The following CHRM2 variants were observed in gnomAD, a reference collection of about 807,000 sequenced individuals.
The protein encoded by CHRM2 is muscarinic acetylcholine receptor M2.
In CHRM2, 8 loss-of-function variants were observed where a neutral mutation model predicts 25.0. The observed-to-expected ratio is 0.32, with a 90% CI of 0.19 to 0.58. The LOEUF is 0.58. CHRM2 is among the 20% of genes least tolerant of loss of function. CHRM2 has a pLI of 0.88. For missense variants in CHRM2, 440 were observed against 567.1 expected (o/e 0.78, Z 2.28); for synonymous variants, 202 against 205.7 (o/e 0.98, Z 0.15).
intron 2 of CHRM2, chr7:136,870,527 G>A (rs1244641200): frequency 6.6e-6 from 1 of 152,558 alleles, no homozygotes; most frequent in East Asian, 1.9e-4. Context: ...CTATCTTCCT[G>A]CCCATTGCCG....
chr7:136,996,643 G>C (rs1563115338), intron 3 of CHRM2, among the ~76,000 whole-genome samples: 1 of 152,042 alleles, frequency 6.6e-6, no homozygotes, highest in Non-Finnish European at 1.5e-5. Context: ...TTATATGCTA[G>C]AGTAAAAAAT....
At position 136,978,657 on chromosome 7, in the gene CHRM2, G is replaced by C. The variant is rs561927971; in HGVS notation, c.-124-13530G>C. Among the ~76,000 whole-genome samples, 5 of 152,194 alleles carry C rather than the reference G, an allele frequency of 3.3e-5. No homozygotes were observed. In the South Asian group the frequency reaches 6.2e-4, roughly 19 times the overall value. On this transcript the variant is annotated intron_variant, in intron 2 of 3. Transcript: ENST00000680005. ...GATGGTCCCCTCCCTGTGTCCATGT[G>C]TTCTCATTGTTCAACTCCCACTTAT...
At chr7:136,950,344 A>G (rs1378645) in intron 2 of CHRM2, among the ~76,000 whole-genome samples, 99,228 of 151,944 alleles carry the variant, frequency 0.65, 32,962 homozygotes, top group African/African-American at 0.73. Flanking sequence ...CATAATGGGG[A>G]TGGATCCCCC....
rs180776718 is a variant in CHRM2, at chr7:136,933,023, C to A, written c.-124-59164C>A. Among the ~76,000 whole-genome samples, 654 of 150,280 alleles carry A rather than the reference C, an allele frequency of 4.4e-3. 5 individuals are homozygous for A. Among genetic ancestry groups the A allele is most frequent in the African/African-American group, 0.016 (627 of 39,866 alleles). On this transcript the variant is annotated intron_variant, in intron 2 of 3. Transcript: ENST00000680005. ...TCAGTCTGGGTGACAGAGCAAGACT[C>A]TGTTTCAAAAATAAATAAATAAATA...
Position 137,015,940 on chromosome 7 carries a change from A to C in CHRM2, c.1075A>C (p.Asn359His). Residue 359 changes from asparagine to histidine, a missense_variant, in exon 4 of 4, where the codon AAT (asparagine) becomes CAT (histidine). Physicochemically the swap from Asn to His is moderately conservative, Grantham distance 68. Coordinates refer to ENST00000680005, the MANE Select transcript of CHRM2 (RefSeq NM_001006630.2). The surrounding 1 kb of genome is among the most constrained non-coding windows in gnomAD (Gnocchi z 5.1). ...AGGTCAGAATGGAGATGAAAAGCAGAATATTGTAGCCCGCAAGATTGTGAA... is the reference window on the plus strand; with the variant it reads ...AGGTCAGAATGGAGATGAAAAGCAGCATATTGTAGCCCGCAAGATTGTGAA... ...SSGQNGDEKQ[N>H]IVARKIVKMT... 6.2e-7 allele frequency: 1 copy of C among 1,613,178 alleles called. No individual in the cohort carries two copies. The highest frequency in any genetic ancestry group is 1.3e-5 in the African/African-American group (1 of 74,964).
rs1805262086 is a variant in CHRM2, at chr7:137,017,861, T to C, written c.*1595T>C. ...TATAGAATCTTGCCACGTAGAGATT[T>C]TTTATTTGGTCGTCTAAATAAATAT... is the stretch of plus-strand genomic sequence containing the variant. On this transcript the variant is annotated 3_prime_UTR_variant, in exon 4 of 4. Coordinates refer to ENST00000680005, the MANE Select transcript of CHRM2 (RefSeq NM_001006630.2). The C allele has an allele frequency of 6.6e-6, 1 of 151,956 alleles. No homozygotes were observed. The highest frequency in any genetic ancestry group is 1.5e-5 in the Non-Finnish European group (1 of 67,920). 9.4% of individuals were successfully genotyped at this position (151,956 alleles called of 1,614,324 possible). A position where few individuals can be genotyped will look rare whatever the true frequency, so the allele number is the denominator to read the frequency against.
intron 2 of CHRM2, among the ~76,000 whole-genome samples, chr7:136,905,980 T>C (rs1797515599): frequency 6.6e-6 from 1 of 151,426 alleles, no homozygotes; most frequent in Non-Finnish European, 1.5e-5. Context: ...CATTTGTTTA[T>C]TTCACACTCA....
At chr7:136,994,578 T>G (rs910439038) in intron 3 of CHRM2, among the ~76,000 whole-genome samples, 5 of 144,156 alleles carry the variant, frequency 3.5e-5, no homozygotes, top group African/African-American at 1.3e-4. Context: ...TTGCCTAGGC[T>G]GAAGTGCAAT....
In CHRM2 at chr7:136,938,915, C is replaced by CAAAAAAAAA. The variant is rs56868385; in HGVS notation, c.-124-53232_-124-53224dup. Reference sequence around the variant, plus strand: ...AAAATAAAACTTCAGCTAGCTCTGCCAAAAAAAAAAAAAAAAAAAAAAAAA... The same window carrying CAAAAAAAAA: ...AAAATAAAACTTCAGCTAGCTCTGCCAAAAAAAAAAAAAAAAAAAAAAAAAAAAAAAAAA... On this transcript the variant is annotated intron_variant, in intron 2 of 3. Transcript: ENST00000680005. Among the ~76,000 whole-genome samples the CAAAAAAAAA allele has an allele frequency of 4.5e-4, 30 of 66,952 alleles. 5 individuals are homozygous for CAAAAAAAAA. The highest frequency in any genetic ancestry group is 2.6e-3 in the East Asian group (2 of 778). 43.9% of individuals were successfully genotyped at this position (66,952 alleles called of 152,430 possible).
intron 2 of CHRM2, among the ~76,000 whole-genome samples, chr7:136,952,139 C>T (rs903894209): frequency 2.0e-5 from 3 of 152,110 alleles, no homozygotes; most frequent in African/African-American, 4.8e-5. Context: ...CTTGTGCATA[C>T]GTGGAGAGAG....
At chr7:136,871,727 A>T (rs992189542) in intron 2 of CHRM2, 1 of 152,228 alleles carries the variant, frequency 6.6e-6, no homozygotes, top group Non-Finnish European at 1.5e-5. Flanking sequence ...GAGTAAGAAC[A>T]ATTGACTTGG....
chr7:136,964,568 A>C (rs1801296907), intron 2 of CHRM2, among the ~76,000 whole-genome samples: 1 of 152,166 alleles, frequency 6.6e-6, no homozygotes, highest in Non-Finnish European at 1.5e-5. Flanking sequence ...TTCTTTGTCT[A>C]GTCTCCCAAA....
chr7:136,894,219 CA>C (rs1229253173), intron 2 of CHRM2, among the ~76,000 whole-genome samples: 1 of 152,054 alleles, frequency 6.6e-6, no homozygotes, highest in Non-Finnish European at 1.5e-5. Context: ...ACTCTATGCA[CA>C]AATGAGAAAT....
At chr7:136,897,123 G>A (rs1231023124) in intron 2 of CHRM2, among the ~76,000 whole-genome samples, 2 of 148,486 alleles carry the variant, frequency 1.3e-5, no homozygotes, top group East Asian at 3.9e-4. Flanking sequence ...GGTGGTAGTA[G>A]GTTGGCCAAA....
At position 137,015,682 on chromosome 7, in the gene CHRM2, A is replaced by G. The variant is rs1805129793; in HGVS notation, c.817A>G (p.Asn273Asp). 1 of 1,613,076 alleles carries G rather than the reference A, an allele frequency of 6.2e-7. No homozygotes were observed. The highest frequency in any genetic ancestry group is 1.7e-5 in the Admixed American group (1 of 59,858). ...AGCCCCCAGGGATCCTGTGACTGAA[A>G]ACTGTGTTCAGGGAGAGGAGAAGGA... ...GKAPRDPVTENCVQGEEKESS... is the reference protein window; with the variant it reads ...GKAPRDPVTEDCVQGEEKESS... The change falls in exon 4 of 4, where the codon AAC becomes GAC. Residue 273 changes from asparagine to aspartate, a missense_variant. Physicochemically the swap from Asn to Asp is conservative, Grantham distance 23 (BLOSUM62 1). Transcript: ENST00000680005. The surrounding 1 kb of genome is among the most constrained non-coding windows in gnomAD (Gnocchi z 5.1).
intron 2 of CHRM2, among the ~76,000 whole-genome samples, chr7:136,957,592 C>A (rs1800800734): frequency 6.6e-6 from 1 of 152,170 alleles, no homozygotes; most frequent in South Asian, 2.1e-4. Context: ...GGATCTCTGA[C>A]AAACAGAGTA....
intron 2 of CHRM2, among the ~76,000 whole-genome samples, chr7:136,920,458 T>C (rs1798366005): frequency 1.3e-5 from 2 of 152,120 alleles, no homozygotes; most frequent in Non-Finnish European, 2.9e-5. Flanking sequence ...GCTCATCAGC[T>C]CTGCATTGTG....
chr7:136,984,621 T>A (rs1276784236), intron 2 of CHRM2, among the ~76,000 whole-genome samples: 1 of 152,036 alleles, frequency 6.6e-6, no homozygotes, highest in African/African-American at 2.4e-5. Flanking sequence ...GTGAAGACCA[T>A]AGAAAAATGT....
At chr7:136,882,310 G>A (rs537472277) in intron 2 of CHRM2, among the ~76,000 whole-genome samples, 5 of 151,608 alleles carry the variant, frequency 3.3e-5, no homozygotes, top group East Asian at 3.9e-4. Flanking sequence ...GATATTCTCC[G>A]GTTTCATTAA....
Sources: gnomAD v4.1 joint callset for allele counts (sites outside exome capture counted in the v4.1 genomes callset) on GRCh38, gnomAD v4.1.1 for gene constraint, Gnocchi (gnomAD v3.1) non-coding constraint, MANE v1.5 for transcripts, NCBI Gene and HGNC (gene_info 2026-07-23, HGNC 2026-07-21) for gene names.